RNF126: variants seen among roughly 807,000 people sequenced by gnomAD.
The protein encoded by RNF126 is ring finger protein 126.
Under a neutral mutation model 41.9 loss-of-function variants are expected in RNF126, and 20 were observed. The ratio of observed to expected loss-of-function variants is 0.48; its 90% CI spans 0.34 to 0.69. The LOEUF is 0.69. RNF126 is among the 30% of genes least tolerant of loss of function. The pLI is 0.01. For synonymous variants in RNF126, 239 were observed against 202.9 expected, an observed-to-expected ratio of 1.18 and a Z score of -1.51; for missense variants, 433 against 460.6, an observed-to-expected ratio of 0.94 and a Z score of 0.55.
intron 1 of RNF126, among the ~76,000 whole-genome samples, chr19:656,811 C>T (rs1428613606): frequency 6.6e-6 from 1 of 152,150 alleles, no homozygotes; most frequent in Admixed American, 6.5e-5. Context: ...ATTGGGACGC[C>T]CCACGTAAAC....
At chr19:660,129 C>A (rs566597351) in intron 1 of RNF126, among the ~76,000 whole-genome samples, 19 of 152,354 alleles carry the variant, frequency 1.2e-4, no homozygotes, top group African/African-American at 4.6e-4. Flanking sequence ...CCCCCGACCG[C>A]AAGTGTGGCT....
At chr19:661,977 A>G (rs2030822286) in intron 1 of RNF126, among the ~76,000 whole-genome samples, 1 of 152,042 alleles carries the variant, frequency 6.6e-6, no homozygotes, top group African/African-American at 2.4e-5. Flanking sequence ...TGGCTCGACT[A>G]AATCACCACT....
intron 1 of RNF126, among the ~76,000 whole-genome samples, chr19:658,952 AGGCAGACCCCAG>A (rs969061064): frequency 2.0e-5 from 3 of 152,282 alleles, no homozygotes; most frequent in African/African-American, 7.2e-5. Flanking sequence ...CATCTGCCCG[AGGCAGACCCCAG>A]CGCCAGCCGG....
chr19:658,702 C>G (rs1273196057), intron 1 of RNF126, among the ~76,000 whole-genome samples: 1 of 152,222 alleles, frequency 6.6e-6, no homozygotes, highest in South Asian at 2.1e-4. Flanking sequence ...ATGGACGAGG[C>G]GTGAGCGAAG....
At chr19:658,806 T>A (rs1432026039) in intron 1 of RNF126, among the ~76,000 whole-genome samples, 1 of 152,190 alleles carries the variant, frequency 6.6e-6, no homozygotes, top group Non-Finnish European at 1.5e-5. Context: ...CCAGGTGGCT[T>A]CAGGCACCAC....
chr19:651,503 G>T, intron 4 of RNF126, 108 bp downstream of exon 4: 1 of 1,187,344 alleles, frequency 8.4e-7, no homozygotes, highest in Non-Finnish European at 1.1e-6. Flanking sequence ...TCTCCAGAGA[G>T]CCTATGGATG....
intron 1 of RNF126, among the ~76,000 whole-genome samples, chr19:658,970 G>A (rs1213499374): frequency 3.9e-5 from 6 of 152,326 alleles, no homozygotes; most frequent in Non-Finnish European, 5.9e-5. Flanking sequence ...CCCAGCGCCA[G>A]CCGGCCAGAG....
In RNF126 at chr19:648,364, G is replaced by GCGCCCCCC; in HGVS notation, c.786+7_786+8insGGGGGGCG. 2 of 510,496 alleles carry GCGCCCCCC rather than the reference G, an allele frequency of 3.9e-6. No homozygotes were observed. Among genetic ancestry groups the GCGCCCCCC allele is most frequent in the East Asian group, 6.4e-5 (1 of 15,576 alleles). 31.6% of individuals were successfully genotyped at this position (510,496 alleles called of 1,614,324 possible). A position where few individuals can be genotyped will look rare whatever the true frequency, so the allele number is the denominator to read the frequency against. ...CGGGGTGGGGGGGCGGGTGGGCGGG[G>GCGCCCCCC]CACTCACCTGCTCCAGCCAGGGCAC... On this transcript the variant is annotated splice_region_variant and intron_variant, in intron 8 of 8. Coordinates refer to ENST00000292363, the MANE Select transcript of RNF126 (RefSeq NM_194460.3).
chr19:652,767 C>T, intron 2 of RNF126, 59 bp downstream of exon 2: 5 of 1,517,448 alleles, frequency 3.3e-6, no homozygotes, highest in Middle Eastern at 3.4e-4. Context: ...AGCCCACACC[C>T]CTACAACAGC....
Position 648,537 on chromosome 19 carries a change from G to A in RNF126, c.671-50C>T, listed in dbSNP as rs1327763124. 4 of 1,405,914 alleles carry A rather than the reference G, an allele frequency of 2.8e-6. No individual in the cohort carries two copies. In the East Asian group the frequency reaches 7.5e-5, roughly 26 times the overall value. 87.1% of individuals were successfully genotyped at this position (1,405,914 alleles called of 1,614,324 possible). The stretch of plus-strand genomic sequence containing the variant: ...ACAGCGGGCGTGGGGGGCCTGCCGA[G>A]CCTTCAAGGGCAGGCTACTCCACAG... On this transcript the variant is annotated intron_variant, in intron 7 of 8. Transcript: ENST00000292363.
intron 1 of RNF126, among the ~76,000 whole-genome samples, chr19:662,474 C>T (rs921322340): frequency 2.0e-4 from 31 of 152,180 alleles, no homozygotes; most frequent in African/African-American, 7.2e-4. Flanking sequence ...GACCCCGGGA[C>T]AGTGCCTGGG....
At chr19:658,509 T>G (rs1008246942) in intron 1 of RNF126, among the ~76,000 whole-genome samples, 1 of 152,062 alleles carries the variant, frequency 6.6e-6, no homozygotes, top group African/African-American at 2.4e-5. Flanking sequence ...GGCTACTGTT[T>G]TCCTAAAGGG....
intron 1 of RNF126, among the ~76,000 whole-genome samples, chr19:653,861 G>A (rs1032916991): frequency 1.1e-4 from 16 of 152,250 alleles, no homozygotes; most frequent in Admixed American, 7.9e-4. Flanking sequence ...GGGCTCACAT[G>A]GGGGTCCCAA....
At chr19:651,479 C>T in intron 4 of RNF126, 132 bp downstream of exon 4, 1 of 928,966 alleles carries the variant, frequency 1.1e-6, no homozygotes, top group Non-Finnish European at 1.5e-6. Context: ...GCTGGAGGGC[C>T]TGGCCGGGCG....
intron 7 of RNF126, 120 bp from the exon 8 acceptor site, chr19:648,607 C>G (rs980488436): frequency 2.5e-6 from 2 of 798,534 alleles, no homozygotes; most frequent in Non-Finnish European, 4.1e-6. Flanking sequence ...GGAGAAAAGC[C>G]GTGTGTGTGT....
chr19:660,125 A>G (rs1194101575), intron 1 of RNF126, among the ~76,000 whole-genome samples: 2 of 152,078 alleles, frequency 1.3e-5, no homozygotes, highest in South Asian at 2.1e-4. Flanking sequence ...TGAGCCCCCG[A>G]CCGCAAGTGT....
intron 1 of RNF126, among the ~76,000 whole-genome samples, chr19:653,344 C>T (rs567831066): frequency 4.6e-5 from 7 of 152,366 alleles, no homozygotes; most frequent in Admixed American, 1.3e-4. Context: ...TGGCCACACC[C>T]CTGCAAGACC....
Position 652,888 on chromosome 19 carries a change from C to G in RNF126, c.76-4G>C. The G allele has an allele frequency of 6.2e-7, 1 of 1,611,848 alleles. No individual in the cohort carries two copies. The highest frequency in any genetic ancestry group is 1.1e-5 in the South Asian group (1 of 90,740). ...CGCATCTTGGACAGATATAATCCTG[C>G]AGGAGAGAACAGGAGGCCGGGTCAC... On this transcript the variant is annotated splice_polypyrimidine_tract_variant and splice_region_variant and intron_variant, in intron 1 of 8. Transcript: ENST00000292363.
At chr19:649,097 T>C (rs2030126556) in intron 6 of RNF126, 122 bp from the exon 7 acceptor site, 1 of 453,934 alleles carries the variant, frequency 2.2e-6, no homozygotes, top group Non-Finnish European at 3.7e-6. Flanking sequence ...CCTGGGCCCC[T>C]TGGAGCCCGC....
Sources: gnomAD v4.1 joint callset for allele counts (sites outside exome capture counted in the v4.1 genomes callset) on GRCh38, gnomAD v4.1.1 for gene constraint, MANE v1.5 for transcripts, NCBI Gene and HGNC (gene_info 2026-07-23, HGNC 2026-07-21) for gene names.